Variants in MYO16 observed in about 807,000 individuals in gnomAD.
MYO16 encodes the protein unconventional myosin-XVI.
MYO16 carries 94 observed loss-of-function variants against 205.3 expected under a neutral mutation model. The ratio of observed to expected loss-of-function variants is 0.46; its 90% CI spans 0.39 to 0.54. The LOEUF (loss-of-function observed/expected upper bound fraction) is 0.54. Among genes scored for constraint, MYO16 ranks in the 20% least tolerant of loss-of-function variants. The pLI is 0.00. For missense variants in MYO16, 2,315 were observed against 2,387.5 expected (o/e 0.97, Z 0.63); for synonymous variants, 988 against 954.0 (o/e 1.04, Z -0.66).
At chr13:109,144,026 CTTTTTTT>C (rs11347920) in intron 32 of MYO16, among the ~76,000 whole-genome samples, 1 of 143,794 alleles carries the variant, frequency 7.0e-6, no homozygotes, top group Non-Finnish European at 1.5e-5. Context: ...TATAATAATT[CTTTTTTT>C]TTTTTTTTTG....
rs145209941 is a variant in MYO16 at position 109,112,786 on chromosome 13, T to A, written c.3439-7584T>A. Among the ~76,000 whole-genome samples the A allele has an allele frequency of 3.9e-3, 592 of 152,294 alleles. 5 individuals carry two copies. Among genetic ancestry groups the A allele is most frequent in the African/African-American group, 0.014 (570 of 41,562 alleles). On this transcript the variant is annotated intron_variant, in intron 28 of 34. Coordinates refer to ENST00000457511, the MANE Select transcript of MYO16 (RefSeq NM_001198950.3). The stretch of plus-strand genomic sequence containing the variant: ...TTGTAGACAAATGAAATTTTAAATA[T>A]CTGAGGTCATGTTATAGCAAGTGCT...
intron 21 of MYO16, among the ~76,000 whole-genome samples, chr13:108,999,131 G>A (rs1285624436): frequency 1.3e-5 from 2 of 152,162 alleles, no homozygotes; most frequent in African/African-American, 4.8e-5. Flanking sequence ...ATTAGTCTAA[G>A]TATGGGACAG....
rs557457869 is a variant in MYO16, at chr13:109,136,923, T to C, written c.4052-3341T>C. 9.8e-5 allele frequency among the ~76,000 whole-genome samples: 15 copies of C among 152,368 alleles called. No homozygotes were observed. In the South Asian group the frequency reaches 3.1e-3, roughly 32 times the overall value. On this transcript the variant is annotated intron_variant, in intron 31 of 34. Transcript: ENST00000457511. ...TATGTAACAAACCTCTCCAACTTAG[T>C]AGCTTAAGACACCAAAGAAAAGGTT...
intron 16 of MYO16, among the ~76,000 whole-genome samples, chr13:108,917,480 C>T (rs1365401136): frequency 6.6e-6 from 1 of 152,224 alleles, no homozygotes; most frequent in East Asian, 1.9e-4. Context: ...GTCTGGGTAC[C>T]AGTTATTCAG....
intron 27 of MYO16, among the ~76,000 whole-genome samples, chr13:109,071,851 A>T (rs1236733980): frequency 6.6e-6 from 1 of 152,192 alleles, no homozygotes; most frequent in African/African-American, 2.4e-5. Context: ...GATACATTTG[A>T]GGCAAGTATA....
chr13:109,105,931 A>T (rs1889110805), intron 28 of MYO16, among the ~76,000 whole-genome samples: 1 of 152,326 alleles, frequency 6.6e-6, no homozygotes, highest in Admixed American at 6.5e-5. Flanking sequence ...GAAAATCAGG[A>T]TGTAGTGGTG....
chr13:108,559,470 C>CTTTTTTTTTTTTTT, the MYO16 span, among the ~76,000 whole-genome samples: 2 of 87,414 alleles, frequency 2.3e-5, no homozygotes, highest in Non-Finnish European at 2.3e-5. Flanking sequence ...TTTTTCTTTT[C>CTTTTTTTTTTTTTT]TTTTTTTTTT....
At chr13:109,177,796 G>C (rs374663193) in intron 33 of MYO16, among the ~76,000 whole-genome samples, 10 of 152,198 alleles carry the variant, frequency 6.6e-5, no homozygotes, top group Non-Finnish European at 1.3e-4. Context: ...GATTACAGGC[G>C]TGAGCCAGTG....
intron 7 of MYO16, among the ~76,000 whole-genome samples, chr13:108,807,912 C>T (rs1447554637): frequency 6.6e-6 from 1 of 152,138 alleles, no homozygotes; most frequent in African/African-American, 2.4e-5. Flanking sequence ...ATGAAACCCA[C>T]CTGAAAAGCA....
At position 108,629,790 on chromosome 13, in the gene MYO16, T is replaced by C. The variant is rs1879891543; in HGVS notation, c.-55T>C. 2 of 1,496,668 alleles carry C rather than the reference T, an allele frequency of 1.3e-6. No homozygotes were observed. Among genetic ancestry groups the C allele is most frequent in the Non-Finnish European group, 1.8e-6 (2 of 1,113,618 alleles). 92.7% of individuals were successfully genotyped at this position (1,496,668 alleles called of 1,614,324 possible). On this transcript the variant is annotated 5_prime_UTR_variant, in exon 1 of 35. Coordinates refer to ENST00000457511, the MANE Select transcript of MYO16 (RefSeq NM_001198950.3). The stretch of plus-strand genomic sequence containing the variant: ...TAATGCATTTCCTGGGAACGACAGT[T>C]GTGACAGAAGAGAATGCTGGAACCC...
At chr13:109,014,647 C>A (rs554965963) in intron 22 of MYO16, among the ~76,000 whole-genome samples, 3 of 152,250 alleles carry the variant, frequency 2.0e-5, no homozygotes, top group South Asian at 2.1e-4. Context: ...TTTCATTGAG[C>A]AGTGGTTTGT....
At chr13:108,944,820 T>G (rs1182049734) in intron 16 of MYO16, among the ~76,000 whole-genome samples, 1 of 152,196 alleles carries the variant, frequency 6.6e-6, no homozygotes, top group Admixed American at 6.5e-5. Flanking sequence ...ATTAGTATTT[T>G]TAATGGGTGT....
chr13:109,159,219 CA>C (rs1175137935), intron 32 of MYO16, among the ~76,000 whole-genome samples: 1 of 152,194 alleles, frequency 6.6e-6, no homozygotes, highest in African/African-American at 2.4e-5. Context: ...ATATTCACCT[CA>C]TGCAATGAGA....
chr13:108,636,057 T>G (rs917307640), intron 1 of MYO16, among the ~76,000 whole-genome samples: 1 of 152,076 alleles, frequency 6.6e-6, no homozygotes, highest in African/African-American at 2.4e-5. Flanking sequence ...CTTTCCCTGT[T>G]TCATTTCTGC....
chr13:109,003,616 T>C (rs1016542542), intron 21 of MYO16, among the ~76,000 whole-genome samples: 1 of 152,238 alleles, frequency 6.6e-6, no homozygotes, highest in Admixed American at 6.5e-5. Context: ...TTCCCGTCCT[T>C]GTGTTTGCCA....
chr13:109,064,603 T>C (rs1335194655), intron 27 of MYO16, among the ~76,000 whole-genome samples: 1 of 152,190 alleles, frequency 6.6e-6, no homozygotes, highest in East Asian at 1.9e-4. Flanking sequence ...CCAATCTTTG[T>C]TGTTATTATT....
At chr13:109,206,037 A>C (rs1880584500) in intron 34 of MYO16, among the ~76,000 whole-genome samples, 1 of 152,188 alleles carries the variant, frequency 6.6e-6, no homozygotes, top group South Asian at 2.1e-4. Flanking sequence ...CTAATGCTTG[A>C]AAACATTTTC....
At position 109,004,193 on chromosome 13, in the gene MYO16, A is replaced by G. The variant is rs111760344; in HGVS notation, c.2443-4704A>G. 4.7e-3 allele frequency among the ~76,000 whole-genome samples: 711 copies of G among 152,282 alleles called. 5 individuals carry two copies. Among genetic ancestry groups the G allele is most frequent in the African/African-American group, 0.016 (681 of 41,552 alleles). The stretch of plus-strand genomic sequence containing the variant: ...TTAAGTCAAATTGTTGCAGTAAATG[A>G]CCTATTTGTGTTAATTTTTAAATGA... On this transcript the variant is annotated intron_variant, in intron 21 of 34. Transcript: ENST00000457511.
intron 16 of MYO16, among the ~76,000 whole-genome samples, chr13:108,934,710 T>G (rs1395111708): frequency 1.3e-5 from 2 of 152,162 alleles, no homozygotes; most frequent in Non-Finnish European, 1.5e-5. Flanking sequence ...TAGGTTTTCA[T>G]CTAGGATTCT....
Sources: gnomAD v4.1 joint callset for allele counts (sites outside exome capture counted in the v4.1 genomes callset) on GRCh38, gnomAD v4.1.1 for gene constraint, MANE v1.5 for transcripts, NCBI Gene and HGNC (gene_info 2026-07-23, HGNC 2026-07-21) for gene names.